The following ZNF786 variants were observed in gnomAD, a reference collection of about 807,000 sequenced individuals.
The protein encoded by ZNF786 is zinc finger protein 786.
A neutral mutation model predicts 63.1 loss-of-function variants in ZNF786; 56 were observed. That is an observed-to-expected ratio of 0.89 (90% CI 0.72 to 1.11). The LOEUF (loss-of-function observed/expected upper bound fraction) is 1.11. ZNF786 is among the 50% of genes least tolerant of loss of function. ZNF786 has a pLI of 0.00. For synonymous variants in ZNF786, 485 were observed against 406.9 expected, an observed-to-expected ratio of 1.19 and a Z score of -2.31; for missense variants, 1,213 against 1,041.8, an observed-to-expected ratio of 1.16 and a Z score of -2.26.
At position 149,080,547 on chromosome 7, in the gene ZNF786, G is replaced by C. The variant is rs1429487711; in HGVS notation, c.145+44C>G. The stretch of plus-strand genomic sequence containing the variant: ...CATCAAGTGACTGTGACCCCTTACA[G>C]GATCCAGTTCCATGACCTACCCACA... On this transcript the variant is annotated intron_variant, in intron 2 of 3. Transcript: ENST00000491431. 2.0e-6 allele frequency: 3 copies of C among 1,496,458 alleles called. 1 individual carries two copies. The South Asian group carries it at 4.3e-5, about 21-fold the overall frequency. The allele number at this position is 1,496,458 out of a possible 1,614,324, so 92.7% of individuals were successfully genotyped here.
At chr7:149,089,735 C>G (rs914776280) in intron 1 of ZNF786, among the ~76,000 whole-genome samples, 2 of 151,546 alleles carry the variant, frequency 1.3e-5, no homozygotes, top group Admixed American at 6.6e-5. Context: ...TTTTTGGAGA[C>G]GGAGTTTCGC....
intron 1 of ZNF786, among the ~76,000 whole-genome samples, chr7:149,088,777 G>A (rs1176540020): frequency 6.6e-6 from 1 of 152,094 alleles, no homozygotes; most frequent in Admixed American, 6.6e-5. Context: ...TTCTGATATT[G>A]TCACATTCTC....
intron 2 of ZNF786, among the ~76,000 whole-genome samples, chr7:149,080,003 C>G (rs1329363922): frequency 6.6e-6 from 1 of 151,670 alleles, no homozygotes; most frequent in African/African-American, 2.4e-5. Context: ...GAAACCCTGT[C>G]TCTACTAAAA....
At chr7:149,087,936 T>C (rs1825763564) in intron 1 of ZNF786, among the ~76,000 whole-genome samples, 1 of 151,498 alleles carries the variant, frequency 6.6e-6, no homozygotes, top group Non-Finnish European at 1.5e-5. Flanking sequence ...ACCACAGGGA[T>C]ATGCCACCAC....
At chr7:149,075,399 C>A (rs1825525504) in intron 2 of ZNF786, among the ~76,000 whole-genome samples, 1 of 151,426 alleles carries the variant, frequency 6.6e-6, no homozygotes, top group Admixed American at 6.6e-5. Context: ...AGAGCTACCA[C>A]ACTGGCTAAT....
At chr7:149,084,521 G>A (rs142879484) in intron 1 of ZNF786, among the ~76,000 whole-genome samples, 40 of 152,108 alleles carry the variant, frequency 2.6e-4, no homozygotes, top group African/African-American at 5.8e-4. Flanking sequence ...TGACTGATAC[G>A]GTTTTGATTT....
At chr7:149,078,174 T>C (rs1017204505) in intron 2 of ZNF786, among the ~76,000 whole-genome samples, 1 of 151,914 alleles carries the variant, frequency 6.6e-6, no homozygotes, top group African/African-American at 2.4e-5. Context: ...AAATGTAGCA[T>C]AATTTTGAAC....
Position 149,072,270 on chromosome 7 carries a change from G to C in ZNF786, c.502C>G (p.Pro168Ala), listed in dbSNP as rs1176043109. ...ESTLKEGIPG[P>A]RNLDLPGLWD... is the part of the protein sequence containing the mutation. ...AAACCAGGAAGATCCAGATTTCTGG[G>C]ACCTGGGATTCCTTCTTTTAGGGTA... is the stretch of plus-strand genomic sequence containing the variant. The change falls in exon 4 of 4, where the codon CCC becomes GCC. Residue 168 changes from proline to alanine, a missense_variant. Transcript: ENST00000491431. 1 of 1,613,560 alleles carries C rather than the reference G, an allele frequency of 6.2e-7. No homozygotes were observed. The highest frequency in any genetic ancestry group is 1.1e-5 in the South Asian group (1 of 90,982).
chr7:149,072,706 G>A (rs994893953), intron 3 of ZNF786, among the ~76,000 whole-genome samples: 17 of 152,134 alleles, frequency 1.1e-4, no homozygotes, highest in African/African-American at 3.6e-4. Flanking sequence ...AATATAGGTC[G>A]CAAATATAGA....
Position 149,071,319 on chromosome 7 carries a change from C to A in ZNF786, c.1453G>T (p.Glu485Ter). 2 of 1,612,822 alleles carry A rather than the reference C, an allele frequency of 1.2e-6. No individual in the cohort carries two copies. The highest frequency in any genetic ancestry group is 1.1e-5 in the South Asian group (1 of 91,054). Residue 485 changes from glutamate (E) to a stop codon, truncating the protein, a stop_gained, in exon 4 of 4, where the codon GAG becomes TAG. Coordinates refer to ENST00000491431, the MANE Select transcript of ZNF786 (RefSeq NM_152411.4). LOFTEE classifies it high-confidence loss of function. ...HTDEKPFQCP[E>*]CGLSFRLESM... Reference sequence around the variant, plus strand: ...TCCAGGCGGAAGCTCAGCCCACACTCTGGGCACTGAAAGGGCTTCTCGTCC... The same window carrying A: ...TCCAGGCGGAAGCTCAGCCCACACTATGGGCACTGAAAGGGCTTCTCGTCC...
At chr7:149,087,946 C>T (rs1350242904) in intron 1 of ZNF786, among the ~76,000 whole-genome samples, 3 of 151,520 alleles carry the variant, frequency 2.0e-5, no homozygotes, top group Non-Finnish European at 4.4e-5. Context: ...TATGCCACCA[C>T]ACCTGGCTAA....
chr7:149,070,293 T>C lies in ZNF786; in HGVS notation c.*130A>G. On this transcript the variant is annotated 3_prime_UTR_variant, in exon 4 of 4. Transcript: ENST00000491431. Reference sequence around the variant, plus strand: ...CTTTGTGGTTCTTCATATTCCTAACTTGCATGACACTCTTGCTCAAAGAAG... The same window carrying C: ...CTTTGTGGTTCTTCATATTCCTAACCTGCATGACACTCTTGCTCAAAGAAG... The C allele has an allele frequency of 8.4e-7, 1 of 1,185,022 alleles. No homozygotes were observed. Among genetic ancestry groups the C allele is most frequent in the Non-Finnish European group, 1.2e-6 (1 of 841,440 alleles). 73.4% of individuals were successfully genotyped at this position (1,185,022 alleles called of 1,614,324 possible). A position where few individuals can be genotyped will look rare whatever the true frequency, so the allele number is the denominator to read the frequency against.
chr7:149,082,222 C>T (rs1211539396), intron 1 of ZNF786, among the ~76,000 whole-genome samples: 1 of 152,194 alleles, frequency 6.6e-6, no homozygotes. Context: ...CCTTCGCTGT[C>T]TCTCCTGCTC....
At chr7:149,088,880 T>G in intron 1 of ZNF786, among the ~76,000 whole-genome samples, 1 of 152,314 alleles carries the variant, frequency 6.6e-6, no homozygotes, top group East Asian at 1.9e-4. Flanking sequence ...AGTATTACTT[T>G]GTGTCTTTTA....
At chr7:149,080,534 G>T in intron 2 of ZNF786, 57 bp downstream of exon 2, 1 of 1,458,684 alleles carries the variant, frequency 6.9e-7, no homozygotes, top group Non-Finnish European at 9.1e-7. Flanking sequence ...TCAAGTGACT[G>T]TGACCCCTTA....
rs1478126519 is a variant in ZNF786, at chr7:149,071,200, G to A, written c.1572C>T (p.Leu524=). 1 of 1,611,168 alleles carries A rather than the reference G, an allele frequency of 6.2e-7. No individual in the cohort carries two copies. The highest frequency in any genetic ancestry group is 1.1e-5 in the South Asian group (1 of 91,062). Reference sequence around the variant, plus strand: ...CGCTGTGCACTCTCAGGTGCTCACGGAGCTTGCACTGGTGGGTGAAGCCTC... The same window carrying A: ...CGCTGTGCACTCTCAGGTGCTCACGAAGCTTGCACTGGTGGGTGAAGCCTC... ...CGRGFTHQCK[L]REHLRVHSGE... Residue 524 remains leucine (L), a synonymous_variant, in exon 4 of 4, where the codon CTC becomes CTT. Transcript: ENST00000491431.
rs1486971218 is a variant in ZNF786 at position 149,070,728 on chromosome 7, C to A, written c.2044G>T (p.Asp682Tyr). 2.5e-6 allele frequency: 4 copies of A among 1,612,372 alleles called. No individual in the cohort carries two copies. Among genetic ancestry groups the A allele is most frequent in the Non-Finnish European group, 3.4e-6 (4 of 1,179,596 alleles). The change falls in exon 4 of 4, where the codon GAC (aspartate) becomes TAC (tyrosine). Residue 682 changes from aspartate to tyrosine, a missense_variant. Coordinates refer to ENST00000491431, the MANE Select transcript of ZNF786 (RefSeq NM_152411.4). ...GEKPFQCPKC[D>Y]KSFRLKAQLL... The stretch of plus-strand genomic sequence containing the variant: ...TGCGCCTTCAGGCGGAAACTCTTGT[C>A]ACACTTGGGACACTGAAAAGGCTTC...
chr7:149,078,545 G>A (rs1365402988), intron 2 of ZNF786, among the ~76,000 whole-genome samples: 5 of 152,060 alleles, frequency 3.3e-5, no homozygotes, highest in South Asian at 2.1e-4. Flanking sequence ...TTAGCAGGGC[G>A]TGGTGGCGCA....
chr7:149,070,364 T>C lies in ZNF786; in HGVS notation c.*59A>G. 6.4e-7 allele frequency: 1 copy of C among 1,573,972 alleles called. No homozygotes were observed. The highest frequency in any genetic ancestry group is 1.2e-5 in the South Asian group (1 of 83,862). On this transcript the variant is annotated 3_prime_UTR_variant, in exon 4 of 4. Coordinates refer to ENST00000491431, the MANE Select transcript of ZNF786 (RefSeq NM_152411.4). ...GTCTACCAGCGGGTCTGGCTACTGT[T>C]GCTGTGGATTCCTGGGCAATACCAA... is the stretch of plus-strand genomic sequence containing the variant.
Sources: allele counts gnomAD v4.1 joint callset (sites outside exome capture counted in the v4.1 genomes callset), GRCh38; gene constraint gnomAD v4.1.1; transcripts MANE v1.5; gene names NCBI Gene and HGNC (gene_info 2026-07-23, HGNC 2026-07-21).